Variants in CNTNAP2 observed in about 807,000 individuals in gnomAD.
The protein encoded by CNTNAP2 is contactin associated protein 2, also known as contactin-associated protein-like 2.
A neutral mutation model predicts 155.2 loss-of-function variants in CNTNAP2; 98 were observed. The observed-to-expected ratio is 0.63, with a 90% confidence interval of 0.54 to 0.75. The LOEUF is 0.75. CNTNAP2 is among the 30% of genes least tolerant of loss of function. CNTNAP2 has a pLI of 0.00. For missense variants in CNTNAP2, 1,727 were observed against 1,688.1 expected (o/e 1.02, Z -0.40); for synonymous variants, 651 against 631.2 (o/e 1.03, Z -0.47).
chr7:147,501,617 T>A (rs1798814634), intron 11 of CNTNAP2, among the ~76,000 whole-genome samples: 1 of 152,244 alleles, frequency 6.6e-6, no homozygotes, highest in South Asian at 2.1e-4. Flanking sequence ...TCACACTGTA[T>A]TAAAAAATAG....
At chr7:148,084,427 C>A (rs113452021) in intron 15 of CNTNAP2, among the ~76,000 whole-genome samples, 1 of 152,186 alleles carries the variant, frequency 6.6e-6, no homozygotes, top group Non-Finnish European at 1.5e-5. Context: ...TGTCACAGGT[C>A]GGAAGCCCAG....
At chr7:147,381,837 G>C (rs1300415306) in intron 9 of CNTNAP2, among the ~76,000 whole-genome samples, 1 of 151,548 alleles carries the variant, frequency 6.6e-6, no homozygotes, top group Non-Finnish European at 1.5e-5. Context: ...TATATAATGA[G>C]TATTATATGA....
At chr7:147,596,191 A>G (rs1295702598) in intron 12 of CNTNAP2, among the ~76,000 whole-genome samples, 1 of 152,178 alleles carries the variant, frequency 6.6e-6, no homozygotes, top group Non-Finnish European at 1.5e-5. Flanking sequence ...TCATTTAGAC[A>G]AAAAACTGGC....
intron 1 of CNTNAP2, among the ~76,000 whole-genome samples, chr7:146,349,341 C>T (rs1346942046): frequency 1.3e-5 from 2 of 152,210 alleles, no homozygotes; most frequent in African/African-American, 4.8e-5. Flanking sequence ...ACGAATTCAA[C>T]AGCAGTATTT....
intron 10 of CNTNAP2, among the ~76,000 whole-genome samples, chr7:147,482,310 A>G (rs573578404): frequency 7.9e-5 from 12 of 152,130 alleles, no homozygotes; most frequent in Non-Finnish European, 1.8e-4. Flanking sequence ...TAAAATATAT[A>G]TATATGGCGA....
intron 13 of CNTNAP2, among the ~76,000 whole-genome samples, chr7:147,685,818 A>G (rs1417497538): frequency 1.3e-5 from 2 of 152,006 alleles, no homozygotes; most frequent in Non-Finnish European, 1.5e-5. Context: ...AATTTGAAGG[A>G]GATGAGAGTA....
intron 15 of CNTNAP2, among the ~76,000 whole-genome samples, chr7:148,100,255 C>A (rs763788778): frequency 1.3e-5 from 2 of 151,638 alleles, no homozygotes; most frequent in Non-Finnish European, 2.9e-5. Context: ...TGTCTAAACT[C>A]CTACAGAACA....
intron 14 of CNTNAP2, among the ~76,000 whole-genome samples, chr7:147,933,496 GATA>G (rs1382178406): frequency 3.0e-5 from 2 of 67,584 alleles, no homozygotes; most frequent in East Asian, 2.4e-3. Context: ...GAAAATGTGA[GATA>G]GATAGATAGA....
intron 11 of CNTNAP2, among the ~76,000 whole-genome samples, chr7:147,554,922 A>C (rs1799923526): frequency 6.6e-6 from 1 of 152,140 alleles, no homozygotes; most frequent in South Asian, 2.1e-4. Flanking sequence ...AGGTATTGTG[A>C]AGCTTATATT....
intron 1 of CNTNAP2, among the ~76,000 whole-genome samples, chr7:146,333,006 C>G (rs111741522): frequency 7.5e-6 from 1 of 133,282 alleles, no homozygotes; most frequent in Non-Finnish European, 1.5e-5. Flanking sequence ...TGCAGTGGTG[C>G]GATCTCGGCT....
intron 12 of CNTNAP2, among the ~76,000 whole-genome samples, chr7:147,595,901 G>A (rs1206768238): frequency 2.0e-5 from 3 of 152,192 alleles, no homozygotes; most frequent in African/African-American, 7.2e-5. Context: ...AAAAGTTGGA[G>A]TTCCTGAGGC....
intron 9 of CNTNAP2, among the ~76,000 whole-genome samples, chr7:147,344,099 T>C (rs1185770061): frequency 1.3e-5 from 2 of 152,130 alleles, no homozygotes; most frequent in Non-Finnish European, 2.9e-5. Flanking sequence ...AGCTAAAAAA[T>C]GTCAGAGATG....
chr7:148,030,680 T>G (rs1375754126), intron 15 of CNTNAP2, among the ~76,000 whole-genome samples: 1 of 151,922 alleles, frequency 6.6e-6, no homozygotes, highest in Admixed American at 6.5e-5. Flanking sequence ...TTTTTTTTTT[T>G]TTTTTTGGCA....
At chr7:146,673,612 A>T (rs1800346383) in intron 1 of CNTNAP2, among the ~76,000 whole-genome samples, 1 of 152,110 alleles carries the variant, frequency 6.6e-6, no homozygotes, top group Admixed American at 6.5e-5. Flanking sequence ...ACCTGTTCAA[A>T]CTGTGTTTGA....
Position 148,416,795 on chromosome 7 carries a change from T to C in CNTNAP2, c.*1179T>C, listed in dbSNP as rs1197582243. 1 of 125,260 alleles carries C rather than the reference T, an allele frequency of 8.0e-6. No individual in the cohort carries two copies. Among genetic ancestry groups the C allele is most frequent in the East Asian group, 1.9e-4 (1 of 5,192 alleles). 7.8% of individuals were successfully genotyped at this position (125,260 alleles called of 1,614,324 possible). ...CACACTGCTGTGATTCAGGGATCTT[T>C]CTTCTAAGACGGACACATTTGAACC... On this transcript the variant is annotated 3_prime_UTR_variant, in exon 24 of 24. Coordinates refer to ENST00000361727, the MANE Select transcript of CNTNAP2 (RefSeq NM_014141.6).
At chr7:146,687,661 C>A (rs2129171004) in intron 1 of CNTNAP2, among the ~76,000 whole-genome samples, 1 of 152,086 alleles carries the variant, frequency 6.6e-6, no homozygotes, top group East Asian at 1.9e-4. Context: ...CAGATCATTT[C>A]ATTTTCAGAT....
chr7:148,077,046 G>T (rs186702348), intron 15 of CNTNAP2, among the ~76,000 whole-genome samples: 337 of 152,094 alleles, frequency 2.2e-3, no homozygotes, highest in African/African-American at 7.7e-3. Context: ...GGTGGGTCAC[G>T]TCTGTAATCC....
chr7:146,930,762 CA>C (rs1563007307), intron 3 of CNTNAP2, among the ~76,000 whole-genome samples: 2 of 151,596 alleles, frequency 1.3e-5, no homozygotes, highest in East Asian at 1.9e-4. Context: ...AAATGGAAAA[CA>C]AAAAAAGGCA....
Position 147,861,981 on chromosome 7 carries a change from G to C in CNTNAP2, c.2099-41584G>C, listed in dbSNP as rs1280386564. 5.9e-5 allele frequency among the ~76,000 whole-genome samples: 7 copies of C among 117,870 alleles called. No individual in the cohort carries two copies. In the East Asian group the frequency reaches 1.4e-3, roughly 24 times the overall value. 77.3% of individuals were successfully genotyped at this position (117,870 alleles called of 152,430 possible). ...CCATTGCACTCCAACTTGGGCAATA[G>C]AGTGAAACTCCATCTCACAAAAAAA... On this transcript the variant is annotated intron_variant, in intron 13 of 23. Transcript: ENST00000361727.
Sources: gnomAD v4.1 joint callset for allele counts (sites outside exome capture counted in the v4.1 genomes callset) on GRCh38, gnomAD v4.1.1 for gene constraint, MANE v1.5 for transcripts, NCBI Gene and HGNC (gene_info 2026-07-23, HGNC 2026-07-21) for gene names.